Variants in NALF1 observed in about 807,000 individuals in gnomAD.
NALF1 encodes NALCN channel auxiliary factor 1, also known as family with sequence similarity 155 member A.
NALF1 carries 3 observed loss-of-function variants against 48.4 expected under a neutral mutation model. The ratio of observed to expected loss-of-function variants is 0.06; its 90% CI spans 0.03 to 0.16. The LOEUF (loss-of-function observed/expected upper bound fraction) is 0.16. Ranked by LOEUF, NALF1 falls within the 10% of genes least tolerant of loss-of-function variation. The probability of loss-of-function intolerance (pLI) is 1.00; values close to 1 mark genes in which losing one functional copy is unlikely to be tolerated. For synonymous variants in NALF1, 262 were observed against 245.7 expected (o/e 1.07, Z -0.62); for missense variants, 526 against 571.5 (o/e 0.92, Z 0.81).
chr13:107,460,035 C>A (rs116610013), intron 1 of NALF1, among the ~76,000 whole-genome samples: 2,506 of 152,336 alleles, frequency 0.016, 34 homozygotes, highest in South Asian at 0.035. Flanking sequence ...AGCCACCTCG[C>A]CTGGCCCTTC....
intron 1 of NALF1, among the ~76,000 whole-genome samples, chr13:107,317,371 T>A (rs1403619160): frequency 6.6e-6 from 1 of 152,080 alleles, no homozygotes; most frequent in African/African-American, 2.4e-5. Context: ...AACAAAACCA[T>A]TCTATGATCC....
intron 1 of NALF1, among the ~76,000 whole-genome samples, chr13:107,589,358 C>G (rs1878543201): frequency 6.6e-6 from 1 of 151,892 alleles, no homozygotes; most frequent in Non-Finnish European, 1.5e-5. Context: ...TAGCTTTTTA[C>G]CAAATGGCAA....
At chr13:107,793,768 T>C (rs1194194715) in intron 1 of NALF1, among the ~76,000 whole-genome samples, 2 of 152,222 alleles carry the variant, frequency 1.3e-5, no homozygotes, top group African/African-American at 4.8e-5. Flanking sequence ...TTATAAATTC[T>C]GGTATCCAGA....
intron 1 of NALF1, among the ~76,000 whole-genome samples, chr13:107,818,413 A>G (rs558551974): frequency 1.2e-4 from 19 of 152,220 alleles, no homozygotes; most frequent in African/African-American, 4.3e-4. Flanking sequence ...CACTGGAGGA[A>G]GTAGGGTCTG....
At chr13:107,398,619 A>G (rs1389321595) in intron 1 of NALF1, among the ~76,000 whole-genome samples, 1 of 152,132 alleles carries the variant, frequency 6.6e-6, no homozygotes, top group East Asian at 1.9e-4. Flanking sequence ...AATTATGTTC[A>G]TATGGTACTG....
At chr13:107,423,837 T>C (rs1425523326) in intron 1 of NALF1, among the ~76,000 whole-genome samples, 1 of 152,200 alleles carries the variant, frequency 6.6e-6, no homozygotes, top group Non-Finnish European at 1.5e-5. Flanking sequence ...ATAAGACATA[T>C]GTATGATCAT....
intron 1 of NALF1, among the ~76,000 whole-genome samples, chr13:107,579,056 G>T (rs1878229117): frequency 6.6e-6 from 1 of 152,094 alleles, no homozygotes; most frequent in Admixed American, 6.6e-5. Flanking sequence ...TTTTCTCCAT[G>T]CTTTCATGCT....
intron 1 of NALF1, among the ~76,000 whole-genome samples, chr13:107,306,965 A>C (rs1594113014): frequency 6.6e-6 from 1 of 152,234 alleles, no homozygotes; most frequent in African/African-American, 2.4e-5. Flanking sequence ...CTCAAAAAAA[A>C]CAAACAAAAC....
intron 1 of NALF1, among the ~76,000 whole-genome samples, chr13:107,545,588 C>G (rs546389): frequency 0.56 from 84,793 of 151,672 alleles, 23,823 homozygotes; most frequent in East Asian, 0.65. Flanking sequence ...TCTGAAAGAC[C>G]CATAGGGTCA....
intron 1 of NALF1, among the ~76,000 whole-genome samples, chr13:107,343,018 A>G (rs1882709975): frequency 6.6e-6 from 1 of 152,180 alleles, no homozygotes. Flanking sequence ...CGACACTACA[A>G]CCAATTGAAC....
chr13:107,476,173 G>A (rs1003021409), intron 1 of NALF1, among the ~76,000 whole-genome samples: 4 of 152,178 alleles, frequency 2.6e-5, no homozygotes, highest in Admixed American at 1.3e-4. Flanking sequence ...GGATTACAAA[G>A]AGTGTCCTGC....
At chr13:107,828,569 ATCTATC>A (rs1566498020) in intron 1 of NALF1, among the ~76,000 whole-genome samples, 11 of 119,620 alleles carry the variant, frequency 9.2e-5, no homozygotes, top group Non-Finnish European at 1.5e-4. Context: ...ATTAAATTCT[ATCTATC>A]TATCTATCTA....
chr13:107,823,096 A>G (rs1352493497), intron 1 of NALF1, among the ~76,000 whole-genome samples: 1 of 152,178 alleles, frequency 6.6e-6, no homozygotes, highest in Non-Finnish European at 1.5e-5. Flanking sequence ...TTTTACTGTA[A>G]CAGTTCAATT....
At chr13:107,300,908 C>A (rs1010860524) in intron 1 of NALF1, among the ~76,000 whole-genome samples, 4 of 152,106 alleles carry the variant, frequency 2.6e-5, no homozygotes, top group African/African-American at 9.7e-5. Flanking sequence ...CTAAAGCAAT[C>A]AAAATTCAGG....
chr13:107,575,174 T>C (rs1878101837), intron 1 of NALF1, among the ~76,000 whole-genome samples: 1 of 152,030 alleles, frequency 6.6e-6, no homozygotes, highest in Non-Finnish European at 1.5e-5. Context: ...AAATGGGTCA[T>C]TTGGTAATAG....
intron 1 of NALF1, among the ~76,000 whole-genome samples, chr13:107,504,382 A>C (rs898700351): frequency 6.6e-6 from 1 of 152,132 alleles, no homozygotes; most frequent in Non-Finnish European, 1.5e-5. Flanking sequence ...AATGTTCATA[A>C]GTTTATTGTG....
chr13:107,758,207 G>A (rs1456224084), intron 1 of NALF1, among the ~76,000 whole-genome samples: 1 of 152,094 alleles, frequency 6.6e-6, no homozygotes, highest in Non-Finnish European at 1.5e-5. Flanking sequence ...AAGTGTACCT[G>A]CTTATCTCTA....
intron 1 of NALF1, among the ~76,000 whole-genome samples, chr13:107,767,569 G>C (rs1877450185): frequency 6.6e-6 from 1 of 152,186 alleles, no homozygotes; most frequent in Non-Finnish European, 1.5e-5. Context: ...TCTTAGAACT[G>C]CAAGTGTATC....
chr13:107,487,746 T>C lies in NALF1; in HGVS notation c.916-276991A>G, dbSNP rs180957058. Among the ~76,000 whole-genome samples the C allele has an allele frequency of 5.9e-5, 9 of 152,272 alleles. No individual in the cohort carries two copies. The East Asian group carries it at 1.7e-3, about 29-fold the overall frequency. ...GATATTGGCCTGAAGTTTTCTTTTT[T>C]TGTTGTGCCCCTGCCAGGTTTTGGT... On this transcript the variant is annotated intron_variant, in intron 1 of 2. Transcript: ENST00000375915.
Sources: gnomAD v4.1 joint callset for allele counts (sites outside exome capture counted in the v4.1 genomes callset) on GRCh38, gnomAD v4.1.1 for gene constraint, MANE v1.5 for transcripts, NCBI Gene and HGNC (gene_info 2026-07-23, HGNC 2026-07-21) for gene names.